The following KCNQ5 variants were observed in gnomAD, a reference collection of about 807,000 sequenced individuals.
The protein encoded by KCNQ5 is potassium voltage-gated channel subfamily KQT member 5.
KCNQ5 carries 30 observed loss-of-function variants against 98.2 expected under a neutral mutation model. That is an observed-to-expected ratio of 0.31 (90% CI 0.23 to 0.41). The LOEUF (loss-of-function observed/expected upper bound fraction) is 0.41, where lower values mean the gene tolerates loss of function less well. Ranked by LOEUF, KCNQ5 falls within the 10% of genes least tolerant of loss-of-function variation. The pLI, the probability that KCNQ5 is intolerant of heterozygous loss-of-function variation, is 1.00. For synonymous variants in KCNQ5, 458 were observed against 449.4 expected, an observed-to-expected ratio of 1.02 and a Z score of -0.24; for missense variants, 835 against 1,182.5, an observed-to-expected ratio of 0.71 and a Z score of 4.31.
intron 1 of KCNQ5, among the ~76,000 whole-genome samples, chr6:72,936,035 C>G (rs1765899771): frequency 6.6e-6 from 1 of 152,106 alleles, no homozygotes. Flanking sequence ...TCTTCAAATC[C>G]CATCTCTTCT....
chr6:72,951,390 GC>G (rs1352616415), intron 1 of KCNQ5, among the ~76,000 whole-genome samples: 3 of 151,168 alleles, frequency 2.0e-5, no homozygotes, highest in Non-Finnish European at 2.9e-5. Flanking sequence ...AATTCTCCCT[GC>G]CTCAGCCTCC....
Position 72,762,881 on chromosome 6 carries a change from T to C in KCNQ5, c.398+140294T>C, listed in dbSNP as rs1772358279. On this transcript the variant is annotated intron_variant, in intron 1 of 13. Transcript: ENST00000370398. ...TGGCCTATCATTGTCACTTATATCT[T>C]ATTTAAATATTTAGTCTTATCTTCC... Among the ~76,000 whole-genome samples, 4 of 152,204 alleles carry C rather than the reference T, an allele frequency of 2.6e-5. No homozygotes were observed. In the South Asian group the frequency reaches 8.3e-4, roughly 31 times the overall value.
chr6:72,962,415 G>T (rs893265306), intron 1 of KCNQ5, among the ~76,000 whole-genome samples: 5 of 151,504 alleles, frequency 3.3e-5, no homozygotes, highest in African/African-American at 1.2e-4. Context: ...CAAGTGATGG[G>T]TGCACTAAAA....
At chr6:72,769,766 T>C (rs1373135433) in intron 1 of KCNQ5, among the ~76,000 whole-genome samples, 2 of 152,110 alleles carry the variant, frequency 1.3e-5, no homozygotes, top group Admixed American at 6.6e-5. Context: ...CAAAGCTTTG[T>C]ATAAAGGACA....
chr6:72,938,139 C>A (rs1766031770), intron 1 of KCNQ5, among the ~76,000 whole-genome samples: 1 of 152,150 alleles, frequency 6.6e-6, no homozygotes, highest in South Asian at 2.1e-4. Flanking sequence ...TCCCTAGTAA[C>A]TAATTAATTC....
At chr6:72,915,663 G>A (rs147007311) in intron 1 of KCNQ5, among the ~76,000 whole-genome samples, 450 of 152,130 alleles carry the variant, frequency 3.0e-3, no homozygotes, top group African/African-American at 9.9e-3. Context: ...CCTGTGTCAT[G>A]TGTGCCTCAC....
intron 1 of KCNQ5, among the ~76,000 whole-genome samples, chr6:72,981,988 G>A (rs1279750392): frequency 6.6e-6 from 1 of 152,188 alleles, no homozygotes; most frequent in Non-Finnish European, 1.5e-5. Context: ...TTATTCCTGA[G>A]TTCTAATTTG....
At chr6:72,836,716 C>T (rs570868939) in intron 1 of KCNQ5, among the ~76,000 whole-genome samples, 3 of 152,066 alleles carry the variant, frequency 2.0e-5, no homozygotes, top group Non-Finnish European at 4.4e-5. Context: ...TTTATGTAAA[C>T]ACTTTGATAT....
chr6:72,744,200 C>A (rs1771262459), intron 1 of KCNQ5, among the ~76,000 whole-genome samples: 1 of 152,118 alleles, frequency 6.6e-6, no homozygotes, highest in African/African-American at 2.4e-5. Context: ...TATCGTGAGC[C>A]TAGAGGGAGA....
chr6:73,065,680 C>A (rs1582288380), intron 3 of KCNQ5, among the ~76,000 whole-genome samples: 1 of 152,236 alleles, frequency 6.6e-6, no homozygotes, highest in East Asian at 1.9e-4. Context: ...TCACTCCGCT[C>A]AAGCTAACTT....
At chr6:72,831,360 A>G (rs1316788221) in intron 1 of KCNQ5, among the ~76,000 whole-genome samples, 1 of 152,242 alleles carries the variant, frequency 6.6e-6, no homozygotes, top group Non-Finnish European at 1.5e-5. Flanking sequence ...CTGGATTAAG[A>G]AAATGTAGCA....
chr6:72,699,968 G>C (rs1168985435), intron 1 of KCNQ5, among the ~76,000 whole-genome samples: 2 of 152,058 alleles, frequency 1.3e-5, no homozygotes, highest in African/African-American at 2.4e-5. Context: ...TTCTTCATCT[G>C]TAAAATAAGG....
chr6:73,082,749 GCC>G (rs1773830713), intron 5 of KCNQ5, among the ~76,000 whole-genome samples: 1 of 152,066 alleles, frequency 6.6e-6, no homozygotes, highest in South Asian at 2.1e-4. Context: ...TCACTGACTG[GCC>G]AGATTAACCA....
intron 1 of KCNQ5, among the ~76,000 whole-genome samples, chr6:72,792,624 G>T (rs1297649803): frequency 6.6e-6 from 1 of 152,030 alleles, no homozygotes; most frequent in East Asian, 1.9e-4. Context: ...ACCTGCCTCT[G>T]GTGTTTTATA....
intron 5 of KCNQ5, among the ~76,000 whole-genome samples, chr6:73,097,362 G>T (rs1935535): frequency 0.96 from 145,277 of 151,810 alleles, 69,507 homozygotes; most frequent in South Asian, 0.98. Flanking sequence ...ATCATCTCAT[G>T]AGATGCAGAA....
chr6:72,873,649 T>C (rs907953980), intron 1 of KCNQ5, among the ~76,000 whole-genome samples: 1 of 152,114 alleles, frequency 6.6e-6, no homozygotes, highest in Non-Finnish European at 1.5e-5. Context: ...TTCTCCTTAA[T>C]CATGTTAGTG....
chr6:72,734,920 T>A (rs1468316574), intron 1 of KCNQ5, among the ~76,000 whole-genome samples: 1 of 152,186 alleles, frequency 6.6e-6, no homozygotes, highest in East Asian at 1.9e-4. Context: ...TTAATCTAAT[T>A]TTCAATTTCA....
intron 3 of KCNQ5, among the ~76,000 whole-genome samples, chr6:73,043,548 G>A (rs1394698857): frequency 6.6e-6 from 1 of 152,128 alleles, no homozygotes; most frequent in Non-Finnish European, 1.5e-5. Flanking sequence ...TACTCAGGCA[G>A]CATTACAAAG....
At chr6:73,095,882 C>A (rs9446840) in intron 5 of KCNQ5, among the ~76,000 whole-genome samples, 16,167 of 152,094 alleles carry the variant, frequency 0.11, 2,915 homozygotes, top group African/African-American at 0.37. Flanking sequence ...TCTCTATTTT[C>A]GTTTTAAAGG....
Sources: gnomAD v4.1 joint callset for allele counts (sites outside exome capture counted in the v4.1 genomes callset) on GRCh38, gnomAD v4.1.1 for gene constraint, MANE v1.5 for transcripts, NCBI Gene and HGNC (gene_info 2026-07-23, HGNC 2026-07-21) for gene names.